The following LAMA3 variants were observed in gnomAD, a reference collection of about 807,000 sequenced individuals.
LAMA3 encodes the protein laminin subunit alpha 3.
Under a neutral mutation model 402.0 loss-of-function variants are expected in LAMA3, and 281 were observed. The ratio of observed to expected loss-of-function variants is 0.70; its 90% CI spans 0.63 to 0.77. The LOEUF is 0.77. Among genes scored for constraint, LAMA3 ranks in the 30% least tolerant of loss-of-function variants. The pLI is 0.00. For synonymous variants in LAMA3, 1,431 were observed against 1,558.4 expected, an observed-to-expected ratio of 0.92 and a Z score of 1.93; for missense variants, 3,840 against 4,215.5, an observed-to-expected ratio of 0.91 and a Z score of 2.47.
intron 29 of LAMA3, among the ~76,000 whole-genome samples, chr18:23,843,810 G>A (rs1046900679): frequency 2.6e-5 from 4 of 151,990 alleles, no homozygotes; most frequent in African/African-American, 4.8e-5. Context: ...CACACCTCAC[G>A]CTCTGGCCAT....
At chr18:23,889,418 C>T in intron 41 of LAMA3, among the ~76,000 whole-genome samples, 1 of 151,814 alleles carries the variant, frequency 6.6e-6, no homozygotes, top group Non-Finnish European at 1.5e-5. Context: ...AAAAATTAGC[C>T]AGAAATGGTG....
chr18:23,732,566 C>T (rs964763597), intron 2 of LAMA3, among the ~76,000 whole-genome samples: 4 of 152,134 alleles, frequency 2.6e-5, no homozygotes, highest in African/African-American at 9.7e-5. Context: ...GGAGGAAAGG[C>T]TCCTTGAAGA....
At chr18:23,798,469 C>T (rs989208993) in intron 12 of LAMA3, among the ~76,000 whole-genome samples, 9 of 152,140 alleles carry the variant, frequency 5.9e-5, no homozygotes, top group African/African-American at 1.4e-4. Context: ...AGTCAGACAC[C>T]GGCCGGGGAG....
At chr18:23,928,520 T>G (rs889506420) in intron 63 of LAMA3, 105 bp from the exon 64 acceptor site, 1 of 1,135,114 alleles carries the variant, frequency 8.8e-7, no homozygotes, top group African/African-American at 1.5e-5. Flanking sequence ...TGAGGTTACA[T>G]AAATCACATT....
At chr18:23,920,286 C>T (rs1222727429) in intron 60 of LAMA3, among the ~76,000 whole-genome samples, 1 of 152,142 alleles carries the variant, frequency 6.6e-6, no homozygotes. Context: ...GTGAGTCATG[C>T]AAGCAAAGCA....
chr18:23,757,019 T>A (rs1340299226), intron 6 of LAMA3, among the ~76,000 whole-genome samples: 2 of 147,728 alleles, frequency 1.4e-5, no homozygotes, highest in Non-Finnish European at 3.0e-5. Context: ...AGCCCCAGAC[T>A]CTGAGGCCTG....
At chr18:23,912,658 A>G in intron 55 of LAMA3, 53 bp from the exon 56 acceptor site, 1 of 1,481,064 alleles carries the variant, frequency 6.8e-7, no homozygotes, top group Admixed American at 1.7e-5. Flanking sequence ...CTCTGAGCAC[A>G]CCTACTTTCT....
intron 8 of LAMA3, among the ~76,000 whole-genome samples, chr18:23,767,879 G>C (rs889984805): frequency 3.3e-5 from 5 of 151,934 alleles, no homozygotes; most frequent in Non-Finnish European, 5.9e-5. Context: ...GGCAAGGAAA[G>C]GTCTTTCTAT....
At chr18:23,716,794 C>G (rs890702407) in intron 2 of LAMA3, among the ~76,000 whole-genome samples, 2 of 152,144 alleles carry the variant, frequency 1.3e-5, no homozygotes, top group African/African-American at 4.8e-5. Context: ...GCCAGTTTGT[C>G]CTGATTGCTC....
chr18:23,751,223 A>G (rs753639238), intron 5 of LAMA3, 135 bp downstream of exon 5: 5 of 810,864 alleles, frequency 6.2e-6, no homozygotes, highest in Non-Finnish European at 1.0e-5. Context: ...CTTATCTGAA[A>G]TACTAGATAT....
rs553352641 is a variant in LAMA3 at position 23,947,838 on chromosome 18, G to A, written c.9351+1554G>A. 2.1e-4 allele frequency among the ~76,000 whole-genome samples: 29 copies of A among 137,484 alleles called. No individual in the cohort carries two copies. The South Asian group carries it at 3.2e-3, about 15-fold the overall frequency. 90.2% of individuals were successfully genotyped at this position (137,484 alleles called of 152,430 possible). On this transcript the variant is annotated intron_variant, in intron 70 of 74. Transcript: ENST00000313654. ...TTTTTTTTTTTTTTTTTGAGACGGA[G>A]TCTTGCTCTGTCGCCCAGGCTGGAG...
At chr18:23,926,454 G>A (rs1050766418) in intron 62 of LAMA3, among the ~76,000 whole-genome samples, 1 of 152,196 alleles carries the variant, frequency 6.6e-6, no homozygotes, top group Non-Finnish European at 1.5e-5. Context: ...CTCCTCTTCT[G>A]AGGCAAAAGG....
In LAMA3 at chr18:23,821,174, G is replaced by T. The variant is rs571310951; in HGVS notation, c.2305-1078G>T. Among the ~76,000 whole-genome samples the T allele has an allele frequency of 1.2e-4, 19 of 152,276 alleles. No homozygotes were observed. In the East Asian group the frequency reaches 3.3e-3, roughly 26 times the overall value. Reference sequence around the variant, plus strand: ...CACAAAGGAATTCATCTCTAATGACGCATTTTCTGATAAAGTTATTTTGGT... The same window carrying T: ...CACAAAGGAATTCATCTCTAATGACTCATTTTCTGATAAAGTTATTTTGGT... On this transcript the variant is annotated intron_variant, in intron 19 of 74. Transcript: ENST00000313654.
intron 18 of LAMA3, among the ~76,000 whole-genome samples, chr18:23,817,830 G>T (rs1464154346): frequency 6.6e-6 from 1 of 152,176 alleles, no homozygotes; most frequent in African/African-American, 2.4e-5. Flanking sequence ...GAAGACCATT[G>T]AGCCTCCCCA....
intron 3 of LAMA3, among the ~76,000 whole-genome samples, chr18:23,748,523 G>A (rs1333228973): frequency 6.6e-6 from 1 of 151,774 alleles, no homozygotes; most frequent in Non-Finnish European, 1.5e-5. Flanking sequence ...GACTGGGCGC[G>A]GTGGCTTATG....
rs1439856263 is a variant in LAMA3, at chr18:23,822,272, G to A, written c.2325G>A (p.Leu775=). The A allele has an allele frequency of 1.2e-6, 2 of 1,613,926 alleles. No individual in the cohort carries two copies. The highest frequency in any genetic ancestry group is 1.7e-6 in the Non-Finnish European group (2 of 1,179,852). ...TSVQNDVRIT[L]NVGKSSGSLF... ...TTCAGAATGATGTAAGAATAACATT[G>A]AATGTAGGGAAGTCAAGTGGCTCCT... Residue 775 remains leucine, a synonymous_variant, in exon 20 of 75, where the codon TTG becomes TTA. Transcript: ENST00000313654.
chr18:23,815,615 T>A, intron 17 of LAMA3, 42 bp downstream of exon 17: 1 of 1,231,004 alleles, frequency 8.1e-7, no homozygotes, highest in Non-Finnish European at 1.2e-6. Context: ...ACAGTGTTGA[T>A]GGACAAAGAT....
chr18:23,949,691 G>C (rs1233353205), intron 70 of LAMA3, 74 bp from the exon 71 acceptor site: 3 of 1,430,684 alleles, frequency 2.1e-6, no homozygotes, highest in Non-Finnish European at 3.0e-6. Context: ...AAGCTGCAGT[G>C]CCCTTCGCCT....
intron 18 of LAMA3, among the ~76,000 whole-genome samples, chr18:23,817,891 C>T (rs1222804805): frequency 3.3e-5 from 5 of 152,090 alleles, no homozygotes; most frequent in African/African-American, 1.2e-4. Context: ...TCCTGGCTCG[C>T]GCCTGTAATC....
Sources: gnomAD v4.1 joint callset for allele counts (sites outside exome capture counted in the v4.1 genomes callset) on GRCh38, gnomAD v4.1.1 for gene constraint, MANE v1.5 for transcripts, NCBI Gene and HGNC (gene_info 2026-07-23, HGNC 2026-07-21) for gene names.